The following NBN variants were observed in gnomAD, a reference collection of about 807,000 sequenced individuals.
NBN encodes the protein nibrin.
Under a neutral mutation model 90.8 loss-of-function variants are expected in NBN, and 88 were observed. The observed-to-expected ratio is 0.97, with a 90% CI of 0.82 to 1.16. The LOEUF is 1.16. NBN is among the 50% of genes most tolerant of loss of function. The probability of loss-of-function intolerance (pLI) is 0.00; values close to 1 mark genes in which losing one functional copy is unlikely to be tolerated. For synonymous variants in NBN, 328 were observed against 295.1 expected, an observed-to-expected ratio of 1.11 and a Z score of -1.14; for missense variants, 894 against 869.6, an observed-to-expected ratio of 1.03 and a Z score of -0.35.
chr8:89,937,820 A>G (rs546698323), intron 14 of NBN, among the ~76,000 whole-genome samples: 1 of 152,306 alleles, frequency 6.6e-6, no homozygotes, highest in African/African-American at 2.4e-5. Context: ...ACTGAATCAC[A>G]CAAAAAAGAA....
intron 14 of NBN, among the ~76,000 whole-genome samples, chr8:89,939,255 AAC>A (rs200754404): frequency 6.0e-4 from 66 of 109,186 alleles, no homozygotes; most frequent in Admixed American, 4.9e-3. Context: ...AGCTGCAGCA[AAC>A]AGGGAAATGA....
chr8:89,943,181 AT>A (rs1300487590), intron 14 of NBN, 71 bp downstream of exon 14: 25 of 1,512,112 alleles, frequency 1.7e-5, no homozygotes, highest in Admixed American at 6.7e-5. Context: ...TTTAAGAAGA[AT>A]TTGCTTGAAG....
intron 8 of NBN, among the ~76,000 whole-genome samples, chr8:89,961,206 A>T (rs1810977504): frequency 1.3e-5 from 2 of 152,216 alleles, no homozygotes; most frequent in Admixed American, 1.3e-4. Flanking sequence ...CCTTTCAGCT[A>T]TAAACACAAT....
chr8:89,980,286 T>A (rs921430389), intron 4 of NBN, among the ~76,000 whole-genome samples: 2 of 152,192 alleles, frequency 1.3e-5, no homozygotes, highest in Non-Finnish European at 2.9e-5. Flanking sequence ...GATATTAACC[T>A]AAAAGGATCC....
At chr8:89,975,278 C>A (rs1195747486) in intron 5 of NBN, among the ~76,000 whole-genome samples, 1 of 152,130 alleles carries the variant, frequency 6.6e-6, no homozygotes, top group Non-Finnish European at 1.5e-5. Context: ...TTATAGTATG[C>A]CTCCTAATTT....
intron 1 of NBN, chr8:89,984,191 C>G (rs748060433): frequency 1.9e-4 from 86 of 449,894 alleles, no homozygotes; most frequent in Non-Finnish European, 3.2e-4. Context: ...TCCCACTAGG[C>G]GCCTGCTGCC....
At chr8:89,936,126 G>C (rs1198448985) in intron 15 of NBN, 1 of 328,318 alleles carries the variant, frequency 3.0e-6, no homozygotes, top group South Asian at 2.2e-5. Flanking sequence ...GTCTCTCTCT[G>C]GAGTGCAGTG....
In NBN at chr8:89,955,566, A is replaced by C. The variant is rs1373365760; in HGVS notation, c.1125-11T>G. 26 of 1,611,240 alleles carry C rather than the reference A, an allele frequency of 1.6e-5. No homozygotes were observed. The highest frequency in any genetic ancestry group is 2.0e-5 in the Non-Finnish European group (24 of 1,179,042). On this transcript the variant is annotated splice_polypyrimidine_tract_variant and intron_variant, in intron 9 of 15. Coordinates refer to ENST00000265433, the MANE Select transcript of NBN (RefSeq NM_002485.5). ...CTTTCACTCAAATCCCTGTAGAAAA[A>C]GAAAAGAATGCAAGGTAAATAATCA...
chr8:89,953,740 C>G, intron 10 of NBN, 49 bp from the exon 11 acceptor site: 1 of 1,431,234 alleles, frequency 7.0e-7, no homozygotes. Flanking sequence ...ATGAACACAG[C>G]TAAGTAACCA....
intron 2 of NBN, chr8:89,982,065 T>C: frequency 1.6e-6 from 1 of 618,460 alleles, no homozygotes; most frequent in African/African-American, 2.0e-5. Flanking sequence ...ATATGCAATC[T>C]TTGATTAAAA....
At chr8:89,936,087 CTTTTTT>C (rs35393048) in intron 15 of NBN, 44 of 280,364 alleles carry the variant, frequency 1.6e-4, no homozygotes, top group Middle Eastern at 8.1e-4. Flanking sequence ...TCTGTCAACA[CTTTTTT>C]TTTTTTTTTT....
chr8:89,958,403 T>C (rs1231075470), intron 9 of NBN, among the ~76,000 whole-genome samples: 1 of 152,264 alleles, frequency 6.6e-6, no homozygotes, highest in Non-Finnish European at 1.5e-5. Flanking sequence ...GAAGCATTTC[T>C]TGGAAAGTAT....
Position 89,955,405 on chromosome 8 carries a change from T to C in NBN, c.1275A>G (p.Arg425=). ...SMVSNTLAKM[R]IPNYQLSPTK... ...TTGGTGAAAGCTGATAGTTTGGGATTCTCATCTTAGCCAAAGTATTTGATA... is the reference window on the plus strand; with the variant it reads ...TTGGTGAAAGCTGATAGTTTGGGATCCTCATCTTAGCCAAAGTATTTGATA... The change falls in exon 10 of 16, where the codon AGA becomes AGG. Residue 425 remains arginine (R), a synonymous_variant. Transcript: ENST00000265433. 2 of 1,613,904 alleles carry C rather than the reference T, an allele frequency of 1.2e-6. No homozygotes were observed. The highest frequency in any genetic ancestry group is 1.7e-6 in the Non-Finnish European group (2 of 1,179,838).
At chr8:89,983,637 G>C (rs1812179893) in intron 1 of NBN, among the ~76,000 whole-genome samples, 1 of 152,162 alleles carries the variant, frequency 6.6e-6, no homozygotes, top group Admixed American at 6.5e-5. Context: ...CAATCAGTGG[G>C]AAAGGGTTAT....
chr8:89,979,805 G>A (rs1811968313), intron 4 of NBN, among the ~76,000 whole-genome samples: 2 of 152,230 alleles, frequency 1.3e-5, no homozygotes, highest in Admixed American at 1.3e-4. Flanking sequence ...AAGTGTCCAG[G>A]TCTGTCACAG....
At chr8:89,938,973 T>C (rs1490405642) in intron 14 of NBN, among the ~76,000 whole-genome samples, 1 of 152,126 alleles carries the variant, frequency 6.6e-6, no homozygotes, top group East Asian at 1.9e-4. Flanking sequence ...TAAAAACATA[T>C]AAAATAGTAT....
rs754267250 is a variant in NBN at position 89,953,553 on chromosome 8, C to A, written c.1536G>T (p.Glu512Asp). 1.2e-6 allele frequency: 2 copies of A among 1,613,816 alleles called. No homozygotes were observed. Among genetic ancestry groups the A allele is most frequent in the South Asian group, 2.2e-5 (2 of 91,066 alleles). The change falls in exon 11 of 16, where the codon GAG becomes GAT. Residue 512 changes from glutamate to aspartate, a missense_variant. Transcript: ENST00000265433. ...TATTGTCTGAGTTTGTGTCCACAGG[C>A]TCATTCTCAGATAGATGCTGCTCCT... ...KNKEQHLSENEPVDTNSDNNL... is the reference protein window; with the variant it reads ...KNKEQHLSENDPVDTNSDNNL...
chr8:89,960,478 T>C (rs1810940730), intron 8 of NBN, among the ~76,000 whole-genome samples: 1 of 152,006 alleles, frequency 6.6e-6, no homozygotes, highest in Non-Finnish European at 1.5e-5. Flanking sequence ...TAGTGAGACT[T>C]CATCTCAACA....
At chr8:89,968,221 T>C (rs1196529706) in intron 7 of NBN, among the ~76,000 whole-genome samples, 1 of 152,020 alleles carries the variant, frequency 6.6e-6, no homozygotes, top group Non-Finnish European at 1.5e-5. Flanking sequence ...ATCACACCAT[T>C]GCACTCCAGC....
Sources: gnomAD v4.1 joint callset for allele counts (sites outside exome capture counted in the v4.1 genomes callset) on GRCh38, gnomAD v4.1.1 for gene constraint, MANE v1.5 for transcripts, NCBI Gene and HGNC (gene_info 2026-07-23, HGNC 2026-07-21) for gene names.